The following XRN2 variants were observed in gnomAD, a reference collection of about 807,000 sequenced individuals.
XRN2 encodes 5'-3' exoribonuclease 2.
XRN2 carries 44 observed loss-of-function variants against 138.5 expected under a neutral mutation model. The ratio of observed to expected loss-of-function variants is 0.32; its 90% CI spans 0.25 to 0.41. The LOEUF (loss-of-function observed/expected upper bound fraction) is 0.41, where lower values mean the gene tolerates loss of function less well. Among genes scored for constraint, XRN2 ranks in the 10% least tolerant of loss-of-function variants. XRN2 has a pLI of 1.00. For synonymous variants in XRN2, 354 were observed against 369.4 expected, an observed-to-expected ratio of 0.96 and a Z score of 0.48; for missense variants, 937 against 1,169.3, an observed-to-expected ratio of 0.80 and a Z score of 2.90.
chr20:21,358,485 T>TTA (rs2038600487), intron 24 of XRN2, among the ~76,000 whole-genome samples: 1 of 152,194 alleles, frequency 6.6e-6, no homozygotes, highest in Non-Finnish European at 1.5e-5. Flanking sequence ...AATCTTTAGG[T>TTA]AAGACTAAAG....
chr20:21,328,535 A>G lies in XRN2; in HGVS notation c.316-24A>G. On this transcript the variant is annotated intron_variant, in intron 3 of 29. Coordinates refer to ENST00000377191, the MANE Select transcript of XRN2 (RefSeq NM_012255.5). ...ATTTGTGAATATTTTGATGAGTGTTATGGAATATGAAATACATTTTCAGGC... is the reference window on the plus strand; with the variant it reads ...ATTTGTGAATATTTTGATGAGTGTTGTGGAATATGAAATACATTTTCAGGC... The G allele has an allele frequency of 2.5e-6, 4 of 1,599,196 alleles. No homozygotes were observed. The East Asian group carries it at 6.7e-5, about 27-fold the overall frequency.
chr20:21,388,987 T>G (rs1405973200), intron 29 of XRN2, among the ~76,000 whole-genome samples: 1 of 152,248 alleles, frequency 6.6e-6, no homozygotes, highest in African/African-American at 2.4e-5. Context: ...AACCACTGTC[T>G]GTACATGTTG....
At chr20:21,321,923 G>A (rs2038051559) in intron 1 of XRN2, among the ~76,000 whole-genome samples, 1 of 152,140 alleles carries the variant, frequency 6.6e-6, no homozygotes, top group Non-Finnish European at 1.5e-5. Flanking sequence ...ATCCTCTGTA[G>A]TACCTGATAT....
rs562571840 is a variant in XRN2, at chr20:21,345,129, ATCC to A, written c.1529+924_1529+926del. On this transcript the variant is annotated intron_variant, in intron 16 of 29. Transcript: ENST00000377191. ...TTTACTCTGTATATCTTTAGTTTCT[ATCC>A]TCTACTTTCTGTACTTTGGGTTTTC... 7.9e-5 allele frequency among the ~76,000 whole-genome samples: 12 copies of A among 152,278 alleles called. No homozygotes were observed. The South Asian group carries it at 2.5e-3, about 32-fold the overall frequency.
Position 21,349,778 on chromosome 20 carries a change from G to A in XRN2, c.1936+317G>A, listed in dbSNP as rs903653178. On this transcript the variant is annotated intron_variant, in intron 20 of 29. Coordinates refer to ENST00000377191, the MANE Select transcript of XRN2 (RefSeq NM_012255.5). Reference sequence around the variant, plus strand: ...AAATGAATAAATAAATATTTTAAAAGGTAAATATTTTGAGAATTATATGTG... The same window carrying A: ...AAATGAATAAATAAATATTTTAAAAAGTAAATATTTTGAGAATTATATGTG... Among the ~76,000 whole-genome samples, 11 of 152,012 alleles carry A rather than the reference G, an allele frequency of 7.2e-5. No homozygotes were observed. The East Asian group carries it at 2.1e-3, about 29-fold the overall frequency.
rs552062401 is a variant in XRN2, at chr20:21,350,504, C to A, written c.1936+1043C>A. ...TAGCACCACTGCACTCCAGCCTGGG[C>A]GACAGAGCAAGACTCCGTCTCAAAA... On this transcript the variant is annotated intron_variant, in intron 20 of 29. Transcript: ENST00000377191. Among the ~76,000 whole-genome samples the A allele has an allele frequency of 5.6e-5, 6 of 107,142 alleles. No homozygotes were observed. The Admixed American group carries it at 7.6e-4, about 14-fold the overall frequency. 70.3% of individuals were successfully genotyped at this position (107,142 alleles called of 152,430 possible). A position where few individuals can be genotyped will look rare whatever the true frequency, so the allele number is the denominator to read the frequency against.
chr20:21,334,049 T>TC, intron 12 of XRN2, 29 bp from the exon 13 acceptor site: 1 of 1,613,858 alleles, frequency 6.2e-7, no homozygotes, highest in East Asian at 2.2e-5. Context: ...TATAAGAAGA[T>TC]CATTTTACAT....
In XRN2 at chr20:21,365,557, CT is replaced by C; in HGVS notation, c.2325-11del. On this transcript the variant is annotated splice_polypyrimidine_tract_variant and intron_variant, in intron 25 of 29. Coordinates refer to ENST00000377191, the MANE Select transcript of XRN2 (RefSeq NM_012255.5). ...TTTCATCCCTATTACTAAGTGTTGTCTTTTTAAATGGTCAGAAAGCCAGCAG... is the reference window on the plus strand; with the variant it reads ...TTTCATCCCTATTACTAAGTGTTGTCTTTTAAATGGTCAGAAAGCCAGCAG... 1 of 1,613,144 alleles carries C rather than the reference CT, an allele frequency of 6.2e-7. No homozygotes were observed.
At chr20:21,387,768 G>C (rs1472104177) in intron 29 of XRN2, among the ~76,000 whole-genome samples, 1 of 152,190 alleles carries the variant, frequency 6.6e-6, no homozygotes, top group Non-Finnish European at 1.5e-5. Context: ...CTGCAGTGAT[G>C]TGAAGTGGTT....
At chr20:21,360,884 A>T (rs988364326) in intron 24 of XRN2, among the ~76,000 whole-genome samples, 1 of 152,176 alleles carries the variant, frequency 6.6e-6, no homozygotes, top group African/African-American at 2.4e-5. Context: ...TCACAATCCT[A>T]TAAACTCTTT....
chr20:21,360,858 C>A (rs1029798539), intron 24 of XRN2, among the ~76,000 whole-genome samples: 1 of 152,114 alleles, frequency 6.6e-6, no homozygotes, highest in Admixed American at 6.5e-5. Context: ...ATTGGTTAAC[C>A]TCTTCTGATA....
At chr20:21,387,767 TGTGAA>T (rs2038950695) in intron 29 of XRN2, among the ~76,000 whole-genome samples, 1 of 152,214 alleles carries the variant, frequency 6.6e-6, no homozygotes, top group Non-Finnish European at 1.5e-5. Context: ...CCTGCAGTGA[TGTGAA>T]GTGGTTTTTA....
intron 27 of XRN2, among the ~76,000 whole-genome samples, chr20:21,377,550 G>A (rs1459092288): frequency 2.9e-5 from 3 of 104,806 alleles, no homozygotes; most frequent in Admixed American, 1.1e-4. Flanking sequence ...GAGCCACCAC[G>A]TCCGGCCTGT....
chr20:21,323,901 A>G (rs2038083117), intron 1 of XRN2, among the ~76,000 whole-genome samples: 1 of 152,166 alleles, frequency 6.6e-6, no homozygotes, highest in Non-Finnish European at 1.5e-5. Flanking sequence ...TCAAAGGCAG[A>G]TATTAGTTGT....
At position 21,346,450 on chromosome 20, in the gene XRN2, A is replaced by G. The variant is rs746138505; in HGVS notation, c.1565A>G (p.Lys522Arg). The G allele has an allele frequency of 6.2e-7, 1 of 1,614,170 alleles. No homozygotes were observed. The highest frequency in any genetic ancestry group is 1.7e-5 in the Admixed American group (1 of 60,022). Residue 522 changes from lysine (K) to arginine (R), a missense_variant, in exon 17 of 30, where the codon AAG becomes AGG. Lys to Arg is a conservative substitution (Grantham distance 26, BLOSUM62 2). Transcript: ENST00000377191. ...WEAGWKQRYY[K>R]NKFDVDAADE... ...GCTGGCTGGAAGCAGCGGTACTACA[A>G]GAACAAATTTGATGTGGATGCAGCT...
intron 1 of XRN2, among the ~76,000 whole-genome samples, chr20:21,314,496 C>G (rs745789193): frequency 3.9e-5 from 6 of 152,110 alleles, no homozygotes; most frequent in Admixed American, 2.6e-4. Context: ...TGAAGAACTG[C>G]CAGCCACTTT....
chr20:21,376,724 A>G (rs1028056652), intron 27 of XRN2, among the ~76,000 whole-genome samples: 5 of 152,156 alleles, frequency 3.3e-5, no homozygotes, highest in Non-Finnish European at 2.9e-5. Flanking sequence ...GGAGAAGGGA[A>G]TGAAGAGTCC....
In XRN2 at chr20:21,303,343, G is replaced by A. The variant is rs576963016; in HGVS notation, c.-56G>A. 3.9e-6 allele frequency: 6 copies of A among 1,535,070 alleles called. No homozygotes were observed. The Admixed American group carries it at 6.1e-5, about 15-fold the overall frequency. ...GCTGGTGCCCTCTGCCGCTGCTCCC[G>A]TCTCTTTGGTTACGCTCGTCAGCCG... On this transcript the variant is annotated 5_prime_UTR_variant, in exon 1 of 30. Transcript: ENST00000377191.
chr20:21,367,341 TA>T (rs1375432311), intron 26 of XRN2, among the ~76,000 whole-genome samples: 1 of 152,194 alleles, frequency 6.6e-6, no homozygotes, highest in Non-Finnish European at 1.5e-5. Flanking sequence ...CATGCATTAA[TA>T]ATGATAACTT....
Sources: allele counts gnomAD v4.1 joint callset (sites outside exome capture counted in the v4.1 genomes callset), GRCh38; gene constraint gnomAD v4.1.1; transcripts MANE v1.5; gene names NCBI Gene and HGNC (gene_info 2026-07-23, HGNC 2026-07-21).